Variants in SPATA17 observed in about 807,000 individuals in gnomAD.
The protein encoded by SPATA17 is spermatogenesis-associated protein 17.
Under a neutral mutation model 62.2 loss-of-function variants are expected in SPATA17, and 53 were observed. The ratio of observed to expected loss-of-function variants is 0.85; its 90% CI spans 0.68 to 1.07. The LOEUF is 1.07. SPATA17 is among the 50% of genes least tolerant of loss of function. The probability of loss-of-function intolerance (pLI) is 0.00; values close to 1 mark genes in which losing one functional copy is unlikely to be tolerated. For missense variants in SPATA17, 466 were observed against 425.5 expected (o/e 1.10, Z -0.84); for synonymous variants, 146 against 146.8 (o/e 0.99, Z 0.04).
At chr1:217,831,390 C>T (rs901434724) in intron 9 of SPATA17, among the ~76,000 whole-genome samples, 6 of 152,108 alleles carry the variant, frequency 3.9e-5, no homozygotes, top group African/African-American at 1.2e-4. Context: ...AACTCTTCAT[C>T]TCCTCCCTGA....
intron 9 of SPATA17, among the ~76,000 whole-genome samples, chr1:217,831,283 G>A (rs1463952058): frequency 2.0e-5 from 3 of 152,058 alleles, no homozygotes; most frequent in Non-Finnish European, 4.4e-5. Context: ...TAACTTGCCT[G>A]TAAGCAGCAT....
chr1:217,766,956 T>C (rs1210927787), intron 6 of SPATA17, among the ~76,000 whole-genome samples: 1 of 152,158 alleles, frequency 6.6e-6, no homozygotes, highest in East Asian at 1.9e-4. Context: ...TGTCTATGTG[T>C]ACTTAATGTT....
chr1:217,767,635 C>CAATCTACTA (rs1673331541), intron 6 of SPATA17, among the ~76,000 whole-genome samples: 1 of 152,132 alleles, frequency 6.6e-6, no homozygotes, highest in Non-Finnish European at 1.5e-5. Flanking sequence ...TTCCTTCAAC[C>CAATCTACTA]ATGTCCAATC....
intron 9 of SPATA17, among the ~76,000 whole-genome samples, chr1:217,846,377 A>G (rs934730291): frequency 6.6e-6 from 1 of 152,030 alleles, no homozygotes. Flanking sequence ...TAGAGTTTCA[A>G]TGTGATTTCA....
intron 9 of SPATA17, among the ~76,000 whole-genome samples, chr1:217,837,732 CT>C (rs1675293889): frequency 6.6e-6 from 1 of 152,062 alleles, no homozygotes; most frequent in African/African-American, 2.4e-5. Context: ...ATTATCTTCA[CT>C]GATTTTGGGG....
At chr1:217,752,798 G>A (rs1286824941) in intron 6 of SPATA17, among the ~76,000 whole-genome samples, 1 of 152,038 alleles carries the variant, frequency 6.6e-6, no homozygotes, top group Non-Finnish European at 1.5e-5. Context: ...TCCATGATGA[G>A]GCACTTTAGG....
chr1:217,837,015 T>C (rs1309853822), intron 9 of SPATA17, among the ~76,000 whole-genome samples: 3 of 152,132 alleles, frequency 2.0e-5, no homozygotes, highest in Non-Finnish European at 4.4e-5. Flanking sequence ...AGATGTAGAA[T>C]TGTGGGAGTA....
chr1:217,805,338 G>A (rs547307206), intron 9 of SPATA17, among the ~76,000 whole-genome samples: 1 of 152,264 alleles, frequency 6.6e-6, no homozygotes, highest in Non-Finnish European at 1.5e-5. Context: ...ATCAAACTCA[G>A]AAGTACAGAG....
chr1:217,733,807 T>A (rs1391238377), intron 5 of SPATA17, among the ~76,000 whole-genome samples: 1 of 152,238 alleles, frequency 6.6e-6, no homozygotes. Flanking sequence ...TGAATGTTTT[T>A]AAAATGTTAA....
intron 3 of SPATA17, among the ~76,000 whole-genome samples, chr1:217,658,088 G>T (rs1571710940): frequency 6.6e-6 from 1 of 152,156 alleles, no homozygotes; most frequent in Non-Finnish European, 1.5e-5. Flanking sequence ...GACACATGGG[G>T]ATTATTACAA....
intron 4 of SPATA17, among the ~76,000 whole-genome samples, chr1:217,669,871 T>C (rs1670794724): frequency 6.6e-6 from 1 of 152,180 alleles, no homozygotes; most frequent in African/African-American, 2.4e-5. Flanking sequence ...TTATTTTGAC[T>C]ATGTGTTTTG....
At chr1:217,710,154 A>G (rs1360469675) in intron 5 of SPATA17, among the ~76,000 whole-genome samples, 1 of 152,326 alleles carries the variant, frequency 6.6e-6, no homozygotes, top group Admixed American at 6.5e-5. Context: ...TGTGTGGTAC[A>G]TATGCAAAAA....
At chr1:217,809,603 T>C (rs543185398) in intron 9 of SPATA17, among the ~76,000 whole-genome samples, 3 of 152,156 alleles carry the variant, frequency 2.0e-5, no homozygotes, top group Non-Finnish European at 4.4e-5. Context: ...CTTGAGGGAA[T>C]GAATCCATCC....
chr1:217,784,862 C>T (rs952789852), intron 8 of SPATA17: 5 of 152,162 alleles, frequency 3.3e-5, no homozygotes, highest in African/African-American at 1.2e-4. Flanking sequence ...AAAGGCCTCT[C>T]TTTGTGCATC....
intron 4 of SPATA17, among the ~76,000 whole-genome samples, chr1:217,670,844 G>A (rs1180358013): frequency 1.3e-5 from 2 of 151,566 alleles, no homozygotes; most frequent in African/African-American, 2.4e-5. Flanking sequence ...TCAGCTACTC[G>A]GGTGGCTGAG....
chr1:217,707,300 T>A (rs1018376293), intron 5 of SPATA17, among the ~76,000 whole-genome samples: 1 of 152,200 alleles, frequency 6.6e-6, no homozygotes, highest in Non-Finnish European at 1.5e-5. Context: ...TTGCTGAAGT[T>A]GTTATCAGGT....
chr1:217,739,939 G>A (rs2102946802), intron 5 of SPATA17, among the ~76,000 whole-genome samples: 1 of 152,026 alleles, frequency 6.6e-6, no homozygotes, highest in Non-Finnish European at 1.5e-5. Context: ...TTTCCTAAGT[G>A]TTTTCTTTAT....
intron 9 of SPATA17, among the ~76,000 whole-genome samples, chr1:217,836,517 G>A (rs755778002): frequency 2.6e-5 from 4 of 152,066 alleles, no homozygotes; most frequent in East Asian, 1.9e-4. Flanking sequence ...ACTCTATGAC[G>A]TGCTACAAAA....
intron 8 of SPATA17, among the ~76,000 whole-genome samples, chr1:217,782,953 TG>T (rs754706881): frequency 1.3e-5 from 2 of 151,822 alleles, no homozygotes; most frequent in Non-Finnish European, 2.9e-5. Context: ...AAATCTAAAA[TG>T]GCTTTATTTT....
Sources: allele counts gnomAD v4.1 joint callset (sites outside exome capture counted in the v4.1 genomes callset), GRCh38; gene constraint gnomAD v4.1.1; transcripts MANE v1.5; gene names NCBI Gene and HGNC (gene_info 2026-07-23, HGNC 2026-07-21).